The following SMC3 variants were observed in gnomAD, a reference collection of about 807,000 sequenced individuals.
SMC3 encodes structural maintenance of chromosomes protein 3.
In SMC3, 20 loss-of-function variants were observed where a neutral mutation model predicts 171.8. The ratio of observed to expected loss-of-function variants is 0.12; its 90% CI spans 0.08 to 0.17. The LOEUF (loss-of-function observed/expected upper bound fraction) is 0.17. SMC3 is among the 10% of genes least tolerant of loss of function. The pLI, the probability that SMC3 is intolerant of heterozygous loss-of-function variation, is 1.00. For missense variants in SMC3, 543 were observed against 1,420.4 expected (o/e 0.38, Z 9.93); for synonymous variants, 464 against 451.1 (o/e 1.03, Z -0.36).
chr10:110,596,862 G>GT (rs202036279), intron 19 of SMC3, among the ~76,000 whole-genome samples: 259 of 145,494 alleles, frequency 1.8e-3, no homozygotes, highest in Middle Eastern at 3.5e-3. Flanking sequence ...AACCTTGGTA[G>GT]TTTTTTTTTT....
chr10:110,599,651 T>C lies in SMC3; in HGVS notation c.2269-3T>C, dbSNP rs777859551. 5.0e-6 allele frequency: 8 copies of C among 1,613,292 alleles called. No individual in the cohort carries two copies. Among genetic ancestry groups the C allele is most frequent in the Middle Eastern group, 1.7e-4 (1 of 6,058 alleles). ...TTACTAATAAATGGATAATGTCATA[T>C]AGCAACGTAGCTTACAGAGTTTGGA... On this transcript the variant is annotated splice_polypyrimidine_tract_variant and splice_region_variant and intron_variant, in intron 20 of 28. Transcript: ENST00000361804.
At chr10:110,572,159 G>A (rs1860882122) in intron 2 of SMC3, among the ~76,000 whole-genome samples, 1 of 152,118 alleles carries the variant, frequency 6.6e-6, no homozygotes, top group African/African-American at 2.4e-5. Flanking sequence ...CCCACTTGCT[G>A]TATCATTTCC....
Position 110,578,624 on chromosome 10 carries a change from A to G in SMC3, c.351-4A>G, listed in dbSNP as rs373545953. 5 of 1,603,174 alleles carry G rather than the reference A, an allele frequency of 3.1e-6. No homozygotes were observed. The highest frequency in any genetic ancestry group is 1.7e-4 in the Middle Eastern group (1 of 6,022). ...CGGAAAGTAATTTCATTGTTTGTCA[A>G]CAGGAAAAATGATGTGATGAACCTC... On this transcript the variant is annotated splice_region_variant and splice_polypyrimidine_tract_variant and intron_variant, in intron 6 of 28. Transcript: ENST00000361804.
intron 1 of SMC3, 149 bp downstream of exon 1, chr10:110,567,980 G>C (rs1183124114): frequency 1.4e-5 from 14 of 992,346 alleles, no homozygotes; most frequent in Non-Finnish European, 1.8e-5. Flanking sequence ...AGGGAGACCC[G>C]GGTCCCGCTA....
intron 17 of SMC3, among the ~76,000 whole-genome samples, chr10:110,592,541 A>G (rs968715024): frequency 2.6e-5 from 4 of 152,230 alleles, no homozygotes; most frequent in Non-Finnish European, 5.9e-5. Flanking sequence ...GAGAGAGGAA[A>G]TGAAATTTTA....
intron 28 of SMC3, among the ~76,000 whole-genome samples, 153 bp from the exon 29 acceptor site, chr10:110,604,076 CAG>C (rs1861428952): frequency 9.9e-6 from 1 of 101,056 alleles, no homozygotes; most frequent in Admixed American, 1.6e-4. Context: ...GCCTGGGCAA[CAG>C]AGCAAGACTC....
intron 18 of SMC3, among the ~76,000 whole-genome samples, chr10:110,594,990 CTTTA>C (rs1313434259): frequency 1.4e-5 from 2 of 143,008 alleles, no homozygotes; most frequent in African/African-American, 2.8e-5. Flanking sequence ...AGTGTCTTCT[CTTTA>C]TTTTTTTTTT....
Position 110,575,364 on chromosome 10 carries a change from T to C in SMC3, c.159T>C (p.Phe53=), listed in dbSNP as rs774284203. Residue 53 remains phenylalanine, a synonymous_variant, in exon 4 of 29, where the codon TTT becomes TTC. Coordinates refer to ENST00000361804, the MANE Select transcript of SMC3 (RefSeq NM_005445.4). ...TTCAGTTTGTTCTCAGTGATGAGTT[T>C]AGTCATCTTCGTCCAGAACAGCGGT... ...YAIQFVLSDE[F]SHLRPEQRLA... 2.5e-6 allele frequency: 4 copies of C among 1,613,764 alleles called. No homozygotes were observed. Among genetic ancestry groups the C allele is most frequent in the African/African-American group, 1.3e-5 (1 of 75,046 alleles).
intron 17 of SMC3, among the ~76,000 whole-genome samples, chr10:110,592,460 A>C (rs1380183825): frequency 6.6e-6 from 1 of 152,064 alleles, no homozygotes; most frequent in Non-Finnish European, 1.5e-5. Context: ...TTTACACTGA[A>C]TACTTAACTA....
chr10:110,583,299 C>G, intron 10 of SMC3, 85 bp from the exon 11 acceptor site: 1 of 1,083,024 alleles, frequency 9.2e-7, no homozygotes, highest in Non-Finnish European at 1.4e-6. Context: ...TATTACTAAA[C>G]ATTAAGTGAA....
In SMC3 at chr10:110,605,188, A is replaced by G. The variant is rs763250299; in HGVS notation, c.*886A>G. 2.6e-5 allele frequency among the ~76,000 whole-genome samples: 4 copies of G among 152,082 alleles called. No homozygotes were observed. Among genetic ancestry groups the G allele is most frequent in the East Asian group, 1.9e-4 (1 of 5,190 alleles). ...GATGTTTACCTTGATCACCTACCCA[A>G]CATTGTACTTGCCAGGTTTCTTTGT... On this transcript the variant is annotated 3_prime_UTR_variant, in exon 29 of 29. Transcript: ENST00000361804.
intron 13 of SMC3, 91 bp downstream of exon 13, chr10:110,584,487 T>G: frequency 1.2e-6 from 1 of 868,402 alleles, no homozygotes. Context: ...TTTAAATAAG[T>G]CTACATGTTG....
At chr10:110,586,196 T>C (rs1438954021) in intron 13 of SMC3, among the ~76,000 whole-genome samples, 1 of 152,226 alleles carries the variant, frequency 6.6e-6, no homozygotes, top group Non-Finnish European at 1.5e-5. Context: ...GCTGTTTACT[T>C]TGTACTCATA....
Position 110,584,065 on chromosome 10 carries a change from T to C in SMC3, c.1091+103T>C, listed in dbSNP as rs767577095. On this transcript the variant is annotated intron_variant, in intron 12 of 28. Coordinates refer to ENST00000361804, the MANE Select transcript of SMC3 (RefSeq NM_005445.4). ...ATAGTAGCTGCTTTTTACACTTAATTCTTTTTGTATCTTTTTGAAAAATGG... is the reference window on the plus strand; with the variant it reads ...ATAGTAGCTGCTTTTTACACTTAATCCTTTTTGTATCTTTTTGAAAAATGG... 137 of 1,510,548 alleles carry C rather than the reference T, an allele frequency of 9.1e-5. No individual in the cohort carries two copies. The Middle Eastern group carries it at 1.4e-3, about 15-fold the overall frequency. The allele number at this position is 1,510,548 out of a possible 1,614,324, so 93.6% of individuals were successfully genotyped here.
At chr10:110,597,760 A>T (rs10787255) in intron 19 of SMC3, among the ~76,000 whole-genome samples, 112,059 of 152,206 alleles carry the variant, frequency 0.74, 42,505 homozygotes, top group Non-Finnish European at 0.84. Context: ...AACTCTTCAT[A>T]CATAAACCCT....
At chr10:110,583,678 C>A in intron 11 of SMC3, 130 bp downstream of exon 11, 1 of 1,190,136 alleles carries the variant, frequency 8.4e-7, no homozygotes, top group Non-Finnish European at 1.2e-6. Flanking sequence ...ATAATTTGTA[C>A]TCAAGTAACA....
intron 8 of SMC3, 99 bp from the exon 9 acceptor site, chr10:110,581,824 A>C: frequency 1.9e-6 from 2 of 1,069,596 alleles, no homozygotes; most frequent in South Asian, 2.6e-5. Flanking sequence ...AAATAATGCT[A>C]CAGTTCTTAA....
chr10:110,594,205 A>AT (rs550767232), intron 18 of SMC3, among the ~76,000 whole-genome samples: 8,897 of 131,086 alleles, frequency 0.068, 343 homozygotes, highest in African/African-American at 0.13. Context: ...TTTTAAATTT[A>AT]TTTTTTTTTT....
At position 110,590,500 on chromosome 10, in the gene SMC3, A is replaced by G. The variant is rs1266622192; in HGVS notation, c.1598A>G (p.His533Arg). The G allele has an allele frequency of 1.2e-6, 2 of 1,613,922 alleles. No individual in the cohort carries two copies. The highest frequency in any genetic ancestry group is 1.7e-6 in the Non-Finnish European group (2 of 1,179,882). ...GINQHVQNGY[H>R]GIVMNNFECE... ...AACCAGCATGTTCAAAATGGCTATCATGGTATTGTAATGAATAACTTTGAA... is the reference window on the plus strand; with the variant it reads ...AACCAGCATGTTCAAAATGGCTATCGTGGTATTGTAATGAATAACTTTGAA... The change falls in exon 16 of 29, where the codon CAT (histidine) becomes CGT (arginine). Residue 533 changes from histidine to arginine, a missense_variant. By Grantham distance (29) the His-to-Arg change is conservative (BLOSUM62 0). Coordinates refer to ENST00000361804, the MANE Select transcript of SMC3 (RefSeq NM_005445.4).
Sources: allele counts gnomAD v4.1 joint callset (sites outside exome capture counted in the v4.1 genomes callset), GRCh38; gene constraint gnomAD v4.1.1; transcripts MANE v1.5; gene names NCBI Gene and HGNC (gene_info 2026-07-23, HGNC 2026-07-21).